The following UPP2 variants were observed in gnomAD, a reference collection of about 807,000 sequenced individuals.
UPP2 encodes the protein uridine phosphorylase 2.
UPP2 carries 23 observed loss-of-function variants against 26.7 expected under a neutral mutation model. That is an observed-to-expected ratio of 0.86 (90% confidence interval 0.62 to 1.22). The LOEUF (loss-of-function observed/expected upper bound fraction) is 1.22, where lower values mean the gene tolerates loss of function less well. Ranked by LOEUF, UPP2 falls within the 50% of genes most tolerant of loss-of-function variation. UPP2 has a pLI of 0.00. For missense variants in UPP2, 387 were observed against 396.7 expected (o/e 0.98, Z 0.21); for synonymous variants, 127 against 141.3 (o/e 0.90, Z 0.72).
At chr2:158,056,367 C>T (rs1213464454) in intron 3 of UPP2, among the ~76,000 whole-genome samples, 1 of 151,916 alleles carries the variant, frequency 6.6e-6, no homozygotes, top group Non-Finnish European at 1.5e-5. Context: ...TTATTGACTA[C>T]AGTCTATAGT....
In UPP2 at chr2:158,002,146, G is replaced by T. The variant is rs935656278; in HGVS notation, c.61+6887G>T. On this transcript the variant is annotated intron_variant, in intron 2 of 9. Coordinates refer to the UPP2 transcript ENST00000605860. Reference sequence around the variant, plus strand: ...GGGAAGCCAAGGATGCAGGGCAGGGGAATAAAAATGGTAATAATAAAAGAG... The same window carrying T: ...GGGAAGCCAAGGATGCAGGGCAGGGTAATAAAAATGGTAATAATAAAAGAG... 3.9e-5 allele frequency among the ~76,000 whole-genome samples: 6 copies of T among 152,042 alleles called. 1 individual carries two copies. In the South Asian group the frequency reaches 8.3e-4, roughly 21 times the overall value.
chr2:158,047,263 A>G (rs944241049), intron 3 of UPP2, among the ~76,000 whole-genome samples: 8 of 152,206 alleles, frequency 5.3e-5, no homozygotes, highest in Non-Finnish European at 1.0e-4. Flanking sequence ...GGTTCATTTA[A>G]GGGGAACCAA....
At chr2:158,043,761 C>A (rs1684112896) in intron 3 of UPP2, among the ~76,000 whole-genome samples, 1 of 152,164 alleles carries the variant, frequency 6.6e-6, no homozygotes, top group African/African-American at 2.4e-5. Context: ...GAGATAAGAT[C>A]AAGACACTTG....
intron 2 of UPP2, among the ~76,000 whole-genome samples, chr2:158,008,897 A>G (rs1026567738): frequency 6.6e-6 from 1 of 152,170 alleles, no homozygotes; most frequent in Non-Finnish European, 1.5e-5. Context: ...TGAACCCCCA[A>G]GAGTCTTTAA....
At chr2:158,103,676 T>C (rs1013716794) in intron 1 of UPP2, among the ~76,000 whole-genome samples, 3 of 152,226 alleles carry the variant, frequency 2.0e-5, no homozygotes, top group Admixed American at 6.5e-5. Context: ...AAAAAGTTTA[T>C]GGCAGTGTTT....
At chr2:158,097,828 C>T (rs1683011766), upstream of UPP2, among the ~76,000 whole-genome samples, 1 of 152,170 alleles carries the variant, frequency 6.6e-6, no homozygotes, top group African/African-American at 2.4e-5. Context: ...TAGCATTTGT[C>T]CTAGGGATAT....
At chr2:158,114,912 C>G (rs1255465238) in intron 2 of UPP2, among the ~76,000 whole-genome samples, 189 bp from the exon 3 acceptor site, 9 of 152,192 alleles carry the variant, frequency 5.9e-5, no homozygotes, top group Non-Finnish European at 2.9e-5. Flanking sequence ...GTGCAAAAAA[C>G]TTTGCATCTG....
chr2:158,077,201 G>A (rs977866760), intron 3 of UPP2, among the ~76,000 whole-genome samples: 5 of 151,818 alleles, frequency 3.3e-5, no homozygotes, highest in Admixed American at 2.0e-4. Context: ...TTCATAGATC[G>A]GAAGAATCAA....
intron 5 of UPP2, among the ~76,000 whole-genome samples, chr2:158,121,996 C>G (rs1470659066): frequency 6.6e-6 from 1 of 151,950 alleles, no homozygotes; most frequent in East Asian, 1.9e-4. Flanking sequence ...CCCCCGGAAA[C>G]AGTGGTCCAG....
At chr2:158,122,086 G>A (rs1683582232) in intron 5 of UPP2, among the ~76,000 whole-genome samples, 2 of 151,872 alleles carry the variant, frequency 1.3e-5, no homozygotes, top group African/African-American at 2.4e-5. Flanking sequence ...TTATCTCTCA[G>A]CCATGAGTAA....
Position 158,038,911 on chromosome 2 carries a change from C to A in UPP2, c.147+23025C>A, listed in dbSNP as rs547362704. Among the ~76,000 whole-genome samples the A allele has an allele frequency of 2.0e-5, 3 of 152,270 alleles. No individual in the cohort carries two copies. The South Asian group carries it at 6.2e-4, about 32-fold the overall frequency. ...TAGACAATAGGTTCCATCGGGGCAT[C>A]CATAATTTTCCCCATGAGGGAAATG... On this transcript the variant is annotated intron_variant, in intron 3 of 9. Coordinates refer to the UPP2 transcript ENST00000605860.
chr2:158,121,326 A>G (rs996469490), intron 4 of UPP2, 83 bp from the exon 5 acceptor site: 1 of 1,223,940 alleles, frequency 8.2e-7, no homozygotes, highest in Non-Finnish European at 1.2e-6. Context: ...AGCTAGCATT[A>G]ATACTAGAAT....
intron 6 of UPP2, among the ~76,000 whole-genome samples, chr2:158,127,226 G>C (rs1391371701): frequency 6.6e-6 from 1 of 152,172 alleles, no homozygotes; most frequent in African/African-American, 2.4e-5. Flanking sequence ...TCACAATGGT[G>C]TCATTCTATT....
chr2:158,016,953 G>A (rs1421988894), intron 3 of UPP2, among the ~76,000 whole-genome samples: 1 of 152,112 alleles, frequency 6.6e-6, no homozygotes, highest in Non-Finnish European at 1.5e-5. Context: ...TTAGCATGCA[G>A]CATCTTAATA....
intron 3 of UPP2, among the ~76,000 whole-genome samples, chr2:158,077,230 C>G (rs1682644128): frequency 2.6e-5 from 4 of 151,092 alleles, no homozygotes; most frequent in South Asian, 4.2e-4. Context: ...AATGTCCATA[C>G]TATCTAAAGC....
chr2:158,103,945 G>A (rs545145945), intron 1 of UPP2, among the ~76,000 whole-genome samples: 11 of 152,050 alleles, frequency 7.2e-5, no homozygotes, highest in East Asian at 3.9e-4. Flanking sequence ...CTAACACCAC[G>A]GAATACTTTA....
chr2:158,102,507 C>T (rs1441025115), intron 1 of UPP2, among the ~76,000 whole-genome samples: 1 of 152,170 alleles, frequency 6.6e-6, no homozygotes, highest in Non-Finnish European at 1.5e-5. Flanking sequence ...CTCCCAGTGC[C>T]TGAGGGAGGT....
At chr2:158,003,075 G>A (rs1042398643) in intron 2 of UPP2, among the ~76,000 whole-genome samples, 11 of 152,162 alleles carry the variant, frequency 7.2e-5, no homozygotes, top group African/African-American at 2.4e-4. Flanking sequence ...AGAACCCATG[G>A]AGCCACCTCC....
At chr2:158,121,985 T>A (rs532270375) in intron 5 of UPP2, among the ~76,000 whole-genome samples, 49 of 151,962 alleles carry the variant, frequency 3.2e-4, no homozygotes, top group Admixed American at 3.1e-3. Flanking sequence ...AATGATCCTG[T>A]CCCCCGGAAA....
Sources: gnomAD v4.1 joint callset for allele counts (sites outside exome capture counted in the v4.1 genomes callset) on GRCh38, gnomAD v4.1.1 for gene constraint, MANE v1.5 for transcripts, NCBI Gene and HGNC (gene_info 2026-07-23, HGNC 2026-07-21) for gene names.